Variants in DGKG observed in about 807,000 individuals in gnomAD.
DGKG encodes diacylglycerol kinase gamma.
In DGKG, 78 loss-of-function variants were observed where a neutral mutation model predicts 105.3. That is an observed-to-expected ratio of 0.74 (90% CI 0.62 to 0.89). The LOEUF (loss-of-function observed/expected upper bound fraction) is 0.89, where lower values mean the gene tolerates loss of function less well. Ranked by LOEUF, DGKG falls within the 40% of genes least tolerant of loss-of-function variation. DGKG has a pLI of 0.00. For missense variants in DGKG, 958 were observed against 1,020.1 expected (o/e 0.94, Z 0.83); for synonymous variants, 346 against 367.1 (o/e 0.94, Z 0.66).
At chr3:186,289,992 C>T (rs1440504443) in intron 5 of DGKG, among the ~76,000 whole-genome samples, 1 of 152,146 alleles carries the variant, frequency 6.6e-6, no homozygotes, top group Non-Finnish European at 1.5e-5. Context: ...AGTTAACCAT[C>T]ATCCAGATGG....
chr3:186,211,391 C>T (rs548186463), intron 21 of DGKG, among the ~76,000 whole-genome samples: 1 of 152,360 alleles, frequency 6.6e-6, no homozygotes, highest in African/African-American at 2.4e-5. Context: ...CTATACTCCC[C>T]ACCCCTGCTG....
At chr3:186,219,249 A>G (rs1031030337) in intron 20 of DGKG, among the ~76,000 whole-genome samples, 9 of 151,904 alleles carry the variant, frequency 5.9e-5, no homozygotes, top group African/African-American at 2.2e-4. Flanking sequence ...GTTACCTCAC[A>G]GGTGCTGCAG....
intron 2 of DGKG, among the ~76,000 whole-genome samples, chr3:186,314,679 G>A (rs761372464): frequency 1.3e-5 from 2 of 151,314 alleles, no homozygotes; most frequent in Non-Finnish European, 2.9e-5. Flanking sequence ...GCTTGAACCC[G>A]GGAGGCGGAG....
rs1405341326 is a variant in DGKG at position 186,361,748 on chromosome 3, C to G, written c.-249+198G>C. ...AGCCCCACCCTGTGCGTTCCCCAAG[C>G]CTGCACCCCTCGAGCGGGGCATCCC... On this transcript the variant is annotated intron_variant, in intron 1 of 24. Transcript: ENST00000265022. This position sits in a 1 kb window ranked among gnomAD's most constrained non-coding sequence, Gnocchi z 6.8. Among the ~76,000 whole-genome samples the G allele has an allele frequency of 1.3e-5, 2 of 152,188 alleles. No individual in the cohort carries two copies. Among genetic ancestry groups the G allele is most frequent in the African/African-American group, 4.8e-5 (2 of 41,446 alleles).
chr3:186,171,266 G>C (rs1236631961), intron 22 of DGKG, among the ~76,000 whole-genome samples: 1 of 152,184 alleles, frequency 6.6e-6, no homozygotes, highest in Non-Finnish European at 1.5e-5. Context: ...AAAGGTTCTT[G>C]ATATATGTTT....
rs202197065 is a variant in DGKG at position 186,298,219 on chromosome 3, T to A, written c.155A>T (p.Tyr52Phe). The A allele has an allele frequency of 6.3e-7, 1 of 1,599,524 alleles. No individual in the cohort carries two copies. The highest frequency in any genetic ancestry group is 8.5e-7 in the Non-Finnish European group (1 of 1,173,254). Reference protein sequence around the residue: ...KQYDPHEPISYDVFKLFMRAY... With the variant: ...KQYDPHEPISFDVFKLFMRAY... ...CCTCATGAACAGCTTGAAGACATCATAGCTAATCGGCTGAGAAGGGGCAAA... is the reference window on the plus strand; with the variant it reads ...CCTCATGAACAGCTTGAAGACATCAAAGCTAATCGGCTGAGAAGGGGCAAA... The change falls in exon 4 of 25, where the codon TAT becomes TTT. Residue 52 changes from tyrosine (Y) to phenylalanine (F), a missense_variant. Around this residue, in one of 2 missense-constraint regions of DGKG, gnomAD observed 643 missense variants for 619.5 expected, o/e 1.04. Transcript: ENST00000265022.
At chr3:186,357,074 G>A (rs912005673) in intron 1 of DGKG, among the ~76,000 whole-genome samples, 1 of 152,094 alleles carries the variant, frequency 6.6e-6, no homozygotes, top group Non-Finnish European at 1.5e-5. Context: ...GTGTTGTGTG[G>A]GGAGTTGGAG....
intron 5 of DGKG, among the ~76,000 whole-genome samples, chr3:186,296,319 G>C (rs1206354184): frequency 2.0e-5 from 3 of 152,230 alleles, no homozygotes; most frequent in Non-Finnish European, 4.4e-5. Context: ...CACGGTTACA[G>C]AGCTAGGTAG....
chr3:186,254,743 C>T lies in DGKG; in HGVS notation c.1511-1561G>A, dbSNP rs73885815. Among the ~76,000 whole-genome samples the T allele has an allele frequency of 5.8e-3, 877 of 152,238 alleles. 6 individuals are homozygous for T. The highest frequency in any genetic ancestry group is 0.02 in the African/African-American group (820 of 41,534). On this transcript the variant is annotated intron_variant, in intron 17 of 24. Transcript: ENST00000265022. ...GCAACAGCCTCCTCTCGGCTCTCTCCGCCTCCAGTTCCACCCTCCTAGTGT... is the reference window on the plus strand; with the variant it reads ...GCAACAGCCTCCTCTCGGCTCTCTCTGCCTCCAGTTCCACCCTCCTAGTGT...
chr3:186,346,349 C>T (rs1017611002), intron 1 of DGKG, among the ~76,000 whole-genome samples: 2 of 152,162 alleles, frequency 1.3e-5, no homozygotes, highest in African/African-American at 4.8e-5. Flanking sequence ...AAAGACCATG[C>T]CCTCTAGTGC....
chr3:186,221,652 A>G (rs1560102046), intron 20 of DGKG, among the ~76,000 whole-genome samples: 2 of 152,180 alleles, frequency 1.3e-5, no homozygotes, highest in African/African-American at 4.8e-5. Context: ...CTGGTATCTG[A>G]AGGCGGTGGG....
intron 2 of DGKG, among the ~76,000 whole-genome samples, chr3:186,314,678 C>T (rs996535030): frequency 6.8e-6 from 1 of 147,470 alleles, no homozygotes; most frequent in Non-Finnish European, 1.5e-5. Context: ...CGCTTGAACC[C>T]GGGAGGCGGA....
Position 186,149,127 on chromosome 3 carries a change from A to G in DGKG, c.*963T>C. 1.0e-6 allele frequency: 1 copy of G among 985,302 alleles called. No homozygotes were observed. Among genetic ancestry groups the G allele is most frequent in the Middle Eastern group, 5.2e-4 (1 of 1,914 alleles). The allele number at this position is 985,302 out of a possible 1,614,324, so 61.0% of individuals were successfully genotyped here. A position where few individuals can be genotyped will look rare whatever the true frequency, so the allele number is the denominator to read the frequency against. The stretch of plus-strand genomic sequence containing the variant: ...GGAACCGTCTCCTGGTTTCCCCAGC[A>G]AAGTTCCTTCCTTCCCATCTTTTCT... On this transcript the variant is annotated 3_prime_UTR_variant, in exon 25 of 25. Coordinates refer to ENST00000265022, the MANE Select transcript of DGKG (RefSeq NM_001346.3).
chr3:186,236,884 G>T (rs906898929), intron 20 of DGKG, among the ~76,000 whole-genome samples: 1 of 152,208 alleles, frequency 6.6e-6, no homozygotes, highest in Non-Finnish European at 1.5e-5. Flanking sequence ...AACACATTCC[G>T]CAAGTACTCT....
chr3:186,275,822 G>A (rs761962600), intron 9 of DGKG, among the ~76,000 whole-genome samples, 158 bp from the exon 10 acceptor site: 6 of 152,158 alleles, frequency 3.9e-5, no homozygotes, highest in Admixed American at 1.3e-4. Context: ...AAATTTTTGT[G>A]TGTGTGTTTT....
At chr3:186,336,715 C>A (rs1725848105) in intron 1 of DGKG, among the ~76,000 whole-genome samples, 1 of 151,870 alleles carries the variant, frequency 6.6e-6, no homozygotes, top group Non-Finnish European at 1.5e-5. Flanking sequence ...ATAGGCAATC[C>A]TTTGGCAGAG....
intron 22 of DGKG, among the ~76,000 whole-genome samples, chr3:186,185,135 T>A (rs1717561009): frequency 6.6e-6 from 1 of 152,216 alleles, no homozygotes; most frequent in African/African-American, 2.4e-5. Flanking sequence ...ACTCCAGTCT[T>A]CTGACTCCCA....
chr3:186,153,774 A>G (rs574903255), intron 24 of DGKG, among the ~76,000 whole-genome samples: 1 of 152,310 alleles, frequency 6.6e-6, no homozygotes, highest in Non-Finnish European at 1.5e-5. Context: ...AAAATGGCCA[A>G]TAACCTGAAG....
intron 2 of DGKG, among the ~76,000 whole-genome samples, chr3:186,314,175 A>G (rs111683810): frequency 0.018 from 21 of 1,148 alleles, no homozygotes; most frequent in African/African-American, 0.044. Flanking sequence ...ACATATCTGC[A>G]CACACACACA....
Sources: allele counts gnomAD v4.1 joint callset (sites outside exome capture counted in the v4.1 genomes callset), GRCh38; gene constraint gnomAD v4.1.1; regional missense constraint gnomAD v4.1.1; non-coding constraint Gnocchi (gnomAD v3.1); transcripts MANE v1.5; gene names NCBI Gene and HGNC (gene_info 2026-07-23, HGNC 2026-07-21).